Variants in SIK2 observed in about 807,000 individuals in gnomAD.
SIK2 encodes the protein serine/threonine-protein kinase SIK2.
Under a neutral mutation model 103.2 loss-of-function variants are expected in SIK2, and 29 were observed. The ratio of observed to expected loss-of-function variants is 0.28; its 90% CI spans 0.21 to 0.38. SIK2 has a LOEUF of 0.38. Among genes scored for constraint, SIK2 ranks in the 10% least tolerant of loss-of-function variants. The pLI is 1.00. For missense variants in SIK2, 879 were observed against 1,171.0 expected, an observed-to-expected ratio of 0.75 and a Z score of 3.64; for synonymous variants, 412 against 446.1, an observed-to-expected ratio of 0.92 and a Z score of 0.96.
At chr11:111,659,385 G>GTCTCATGTAAGGTTAC in intron 3 of SIK2, among the ~76,000 whole-genome samples, 1 of 152,152 alleles carries the variant, frequency 6.6e-6, no homozygotes, top group Non-Finnish European at 1.5e-5. Context: ...CTTGTGAAGG[G>GTCTCATGTAAGGTTAC]AAATACAGTG....
intron 1 of SIK2, among the ~76,000 whole-genome samples, chr11:111,612,306 A>G (rs1941737724): frequency 6.6e-6 from 1 of 152,208 alleles, no homozygotes; most frequent in Non-Finnish European, 1.5e-5. Flanking sequence ...GAGATAAAAT[A>G]TGCTGAAGTA....
chr11:111,668,260 C>T (rs550449933), intron 3 of SIK2, among the ~76,000 whole-genome samples: 5 of 152,144 alleles, frequency 3.3e-5, no homozygotes, highest in Admixed American at 1.3e-4. Flanking sequence ...GAGACACTTC[C>T]GTGTAAATGC....
Position 111,602,538 on chromosome 11 carries a change from C to A in SIK2, c.-26C>A. The A allele has an allele frequency of 1.4e-6, 2 of 1,480,648 alleles. No individual in the cohort carries two copies. The highest frequency in any genetic ancestry group is 5.9e-5 in the East Asian group (2 of 33,666). The allele number at this position is 1,480,648 out of a possible 1,614,324, so 91.7% of individuals were successfully genotyped here. A position where few individuals can be genotyped will look rare whatever the true frequency, so the allele number is the denominator to read the frequency against. On this transcript the variant is annotated 5_prime_UTR_variant, in exon 1 of 15. Transcript: ENST00000304987. The surrounding 1 kb of genome is among the most constrained non-coding windows in gnomAD (Gnocchi z 4.5). ...CCTCCCGCCCGCCCGCGCTCCTGTC[C>A]GCCGTGTCTAGCAGCGGGGCCCAGC...
intron 3 of SIK2, among the ~76,000 whole-genome samples, chr11:111,649,287 T>C (rs1242664420): frequency 2.0e-5 from 3 of 152,202 alleles, no homozygotes; most frequent in African/African-American, 4.8e-5. Context: ...TACACTTTAG[T>C]TGGTGACCAC....
Position 111,705,225 on chromosome 11 carries a change from G to GA in SIK2, c.1101+87dup. 1.5e-6 allele frequency: 2 copies of GA among 1,349,368 alleles called. No homozygotes were observed. Among genetic ancestry groups the GA allele is most frequent in the Non-Finnish European group, 1.9e-6 (2 of 1,037,122 alleles). The allele number at this position is 1,349,368 out of a possible 1,614,324, so 83.6% of individuals were successfully genotyped here. ...TTTTTCATCTTATACACAGGGTTAG[G>GA]ATTTCATCCTCTACACTCCGTTTTT... is the stretch of plus-strand genomic sequence containing the variant. On this transcript the variant is annotated intron_variant, in intron 8 of 14. Coordinates refer to ENST00000304987, the MANE Select transcript of SIK2 (RefSeq NM_015191.3). The surrounding 1 kb of genome is among the most constrained non-coding windows in gnomAD (Gnocchi z 4.3).
intron 9 of SIK2, among the ~76,000 whole-genome samples, chr11:111,713,195 TTAG>T (rs1943549464): frequency 1.3e-5 from 1 of 79,372 alleles, no homozygotes; most frequent in Non-Finnish European, 3.4e-5. Context: ...AAAATAAAAG[TTAG>T]TATGTGGAAT....
chr11:111,728,101 G>T lies in SIK2; in HGVS notation c.*3972G>T, dbSNP rs1402639906. 2.0e-5 allele frequency: 3 copies of T among 152,094 alleles called. No homozygotes were observed. Among genetic ancestry groups the T allele is most frequent in the Non-Finnish European group, 4.4e-5 (3 of 68,044 alleles). 9.4% of individuals were successfully genotyped at this position (152,094 alleles called of 1,614,324 possible). A position where few individuals can be genotyped will look rare whatever the true frequency, so the allele number is the denominator to read the frequency against. ...TGAACAGTGGCTGACACCGGTGCCA[G>T]GGCTGACCTGCTACACTCAAACTCC... On this transcript the variant is annotated 3_prime_UTR_variant, in exon 15 of 15. Transcript: ENST00000304987.
chr11:111,636,543 G>A (rs1054978613), intron 3 of SIK2, among the ~76,000 whole-genome samples: 1 of 152,162 alleles, frequency 6.6e-6, no homozygotes, highest in Non-Finnish European at 1.5e-5. Context: ...AAGAAAATAT[G>A]TGATGTCAGT....
rs371556602 is a variant in SIK2, at chr11:111,703,380, G to A, written c.905G>A (p.Arg302Gln). 6.2e-6 allele frequency: 10 copies of A among 1,613,884 alleles called. No homozygotes were observed. Among genetic ancestry groups the A allele is most frequent in the Admixed American group, 1.7e-5 (1 of 60,000 alleles). ...GGGGAGTTTAATGAGCAGGTTCTGC[G>A]ACTGATGCACAGCCTTGGAATAGAT... is the stretch of plus-strand genomic sequence containing the variant. ...SIGEFNEQVL[R>Q]LMHSLGIDQQ... The change falls in exon 7 of 15, where the codon CGA becomes CAA. Residue 302 changes from arginine to glutamine, a missense_variant. By Grantham distance (43) the Arg-to-Gln change is conservative (BLOSUM62 1). Transcript: ENST00000304987.
At chr11:111,686,552 G>T (rs185080134) in intron 3 of SIK2, among the ~76,000 whole-genome samples, 1 of 152,332 alleles carries the variant, frequency 6.6e-6, no homozygotes, top group East Asian at 1.9e-4. Context: ...GTGTGCAGGT[G>T]ACTGGGAATA....
In SIK2 at chr11:111,702,363, T is replaced by A. The variant is rs145708545; in HGVS notation, c.727+788T>A. Among the ~76,000 whole-genome samples the A allele has an allele frequency of 2.4e-3, 359 of 152,248 alleles. 5 individuals are homozygous for A. Among genetic ancestry groups the A allele is most frequent in the Non-Finnish European group, 8.1e-4 (55 of 68,020 alleles). On this transcript the variant is annotated intron_variant, in intron 6 of 14. Transcript: ENST00000304987. ...GGTCTGGGAGGCTGAGGCGGGAGGA[T>A]CTCTTAAGGCCAGGAGTTGGAGACC...
intron 3 of SIK2, among the ~76,000 whole-genome samples, chr11:111,635,225 C>T (rs185361972): frequency 2.1e-4 from 32 of 152,002 alleles, no homozygotes; most frequent in Admixed American, 3.3e-4. Context: ...GTCCTAGTTC[C>T]GCCATTGACT....
chr11:111,697,040 CT>C, intron 4 of SIK2, among the ~76,000 whole-genome samples: 3 of 152,276 alleles, frequency 2.0e-5, no homozygotes, highest in Middle Eastern at 6.8e-3. Flanking sequence ...CAATTATTAA[CT>C]TCTTCAAAAA....
In SIK2 at chr11:111,609,786, T is replaced by G. The variant is rs113028975; in HGVS notation, c.136-6457T>G. Among the ~76,000 whole-genome samples the G allele has an allele frequency of 1.2e-3, 189 of 152,376 alleles. 2 individuals carry two copies. Among genetic ancestry groups the G allele is most frequent in the African/African-American group, 4.4e-3 (181 of 41,596 alleles). Reference sequence around the variant, plus strand: ...CAGAAAGTCTTTCATTATAGACCACTCAATCACACTTGCTTTTCAATCAAA... The same window carrying G: ...CAGAAAGTCTTTCATTATAGACCACGCAATCACACTTGCTTTTCAATCAAA... On this transcript the variant is annotated intron_variant, in intron 1 of 14. Transcript: ENST00000304987.
intron 1 of SIK2, among the ~76,000 whole-genome samples, chr11:111,607,835 A>G (rs1035520639): frequency 1.3e-5 from 2 of 152,212 alleles, no homozygotes; most frequent in African/African-American, 4.8e-5. Context: ...GTAAATGTTT[A>G]TATTCTGTAG....
At chr11:111,698,035 G>A (rs1943120461) in intron 4 of SIK2, among the ~76,000 whole-genome samples, 1 of 151,970 alleles carries the variant, frequency 6.6e-6, no homozygotes, top group African/African-American at 2.4e-5. Context: ...TATAACATTT[G>A]AAGTGCTTTG....
At position 111,720,106 on chromosome 11, in the gene SIK2, G is replaced by A. The variant is rs561127303; in HGVS notation, c.1495+103G>A. ...GCCAGCCAACACCTAAAATTGAGTC[G>A]ATAGCTTATTCCTTTATGGATTAGA... is the stretch of plus-strand genomic sequence containing the variant. On this transcript the variant is annotated intron_variant, in intron 10 of 14. Coordinates refer to ENST00000304987, the MANE Select transcript of SIK2 (RefSeq NM_015191.3). 2,661 of 1,120,592 alleles carry A rather than the reference G, an allele frequency of 2.4e-3. 15 individuals are homozygous for A. The highest frequency in any genetic ancestry group is 1.6e-3 in the Non-Finnish European group (1,241 of 769,644). 69.4% of individuals were successfully genotyped at this position (1,120,592 alleles called of 1,614,324 possible).
rs752491027 is a variant in SIK2 at position 111,703,355 on chromosome 11, G to A, written c.880G>A (p.Gly294Arg). The change falls in exon 7 of 15, where the codon GGG becomes AGG. Residue 294 changes from glycine (G) to arginine (R), a missense_variant. Gly to Arg is a moderately radical substitution (Grantham distance 125, BLOSUM62 -2). Around this residue, in one of 7 missense-constraint regions of SIK2, gnomAD observed 99 missense variants for 153.9 expected, o/e 0.64. Coordinates refer to ENST00000304987, the MANE Select transcript of SIK2 (RefSeq NM_015191.3). ...PQEQENEPSI[G>R]EFNEQVLRLM... is the part of the protein sequence containing the mutation. ...AGAGCAAGAAAATGAGCCATCCATC[G>A]GGGAGTTTAATGAGCAGGTTCTGCG... is the stretch of plus-strand genomic sequence containing the variant. 5 of 1,614,094 alleles carry A rather than the reference G, an allele frequency of 3.1e-6. No homozygotes were observed. Among genetic ancestry groups the A allele is most frequent in the East Asian group, 2.2e-5 (1 of 44,878 alleles).
chr11:111,625,837 GT>G (rs751376098), intron 3 of SIK2, among the ~76,000 whole-genome samples: 16 of 152,302 alleles, frequency 1.1e-4, no homozygotes, highest in Non-Finnish European at 2.1e-4. Context: ...GAGGCAATGA[GT>G]CAAGAGAAGG....
Sources: allele counts gnomAD v4.1 joint callset (sites outside exome capture counted in the v4.1 genomes callset), GRCh38; gene constraint gnomAD v4.1.1; regional missense constraint gnomAD v4.1.1; non-coding constraint Gnocchi (gnomAD v3.1); transcripts MANE v1.5; gene names NCBI Gene and HGNC (gene_info 2026-07-23, HGNC 2026-07-21).